The following FADS3 variants were observed in gnomAD, a reference collection of about 807,000 sequenced individuals.
FADS3 encodes fatty acid desaturase 3.
Under a neutral mutation model 60.4 loss-of-function variants are expected in FADS3, and 30 were observed. The ratio of observed to expected loss-of-function variants is 0.50; its 90% CI spans 0.37 to 0.67. The LOEUF (loss-of-function observed/expected upper bound fraction) is 0.67. Among genes scored for constraint, FADS3 ranks in the 30% least tolerant of loss-of-function variants. FADS3 has a pLI of 0.00. For missense variants in FADS3, 432 were observed against 598.3 expected (o/e 0.72, Z 2.90); for synonymous variants, 234 against 249.3 (o/e 0.94, Z 0.58).
In FADS3 at chr11:61,888,451, T is replaced by C. The variant is rs114295352; in HGVS notation, c.213+2718A>G. On this transcript the variant is annotated intron_variant, in intron 1 of 11. Coordinates refer to ENST00000278829, the MANE Select transcript of FADS3 (RefSeq NM_021727.5). ...TGGGTTCATCATGGACAAAGACTGA[T>C]TGCACCATCCCAGCAACCTCACAGT... 1.5e-3 allele frequency among the ~76,000 whole-genome samples: 229 copies of C among 152,318 alleles called. 1 individual carries two copies. The highest frequency in any genetic ancestry group is 5.4e-3 in the African/African-American group (224 of 41,560).
chr11:61,879,655 T>G, intron 2 of FADS3, 146 bp from the exon 3 acceptor site: 3 of 778,834 alleles, frequency 3.9e-6, no homozygotes, highest in Non-Finnish European at 6.2e-6. Flanking sequence ...GCCCGGGGTG[T>G]GAGCTGGAGC....
At chr11:61,887,804 CAGGATAGGTGGCAGCATAGCAT>C (rs1938365095) in intron 1 of FADS3, among the ~76,000 whole-genome samples, 1 of 152,194 alleles carries the variant, frequency 6.6e-6, no homozygotes, top group Non-Finnish European at 1.5e-5. Context: ...CGGAAATAAA[CAGGATAGGTGGCAGCATAGCAT>C]GCCCTTAAGA....
intron 3 of FADS3, 91 bp from the exon 4 acceptor site, chr11:61,878,938 C>T: frequency 9.8e-7 from 1 of 1,017,042 alleles, no homozygotes; most frequent in Non-Finnish European, 1.5e-6. Context: ...TTGCAGGGTA[C>T]CCCCGTGCTA....
At chr11:61,882,817 C>T (rs1186861618) in intron 1 of FADS3, among the ~76,000 whole-genome samples, 1 of 152,132 alleles carries the variant, frequency 6.6e-6, no homozygotes, top group African/African-American at 2.4e-5. Flanking sequence ...GCAACCTCCA[C>T]CTCCCAGGTT....
In FADS3 at chr11:61,876,178, A is replaced by G; in HGVS notation, c.1093T>C (p.Cys365Arg). The G allele has an allele frequency of 6.2e-7, 1 of 1,602,602 alleles. No homozygotes were observed. Among genetic ancestry groups the G allele is most frequent in the Non-Finnish European group, 8.5e-7 (1 of 1,175,112 alleles). The change falls in exon 10 of 12, where the codon TGC (cysteine) becomes CGC (arginine). Residue 365 changes from cysteine to arginine, a missense_variant. Coordinates refer to ENST00000278829, the MANE Select transcript of FADS3 (RefSeq NM_021727.5). This position sits in a 1 kb window ranked among gnomAD's most constrained non-coding sequence, Gnocchi z 5.7. ...DWVSSQLAAT[C>R]NVEPSLFTNW... is the part of the protein sequence containing the mutation. Reference sequence around the variant, plus strand: ...GTGAAAAGTGAGGGCTCCACGTTGCAGGTGGCTGCCAGCTGCCGGAAGCCG... The same window carrying G: ...GTGAAAAGTGAGGGCTCCACGTTGCGGGTGGCTGCCAGCTGCCGGAAGCCG...
rs1937885791 is a variant in FADS3 at position 61,876,375 on chromosome 11, T to C, written c.1064A>G (p.Asp355Gly). The C allele has an allele frequency of 1.2e-6, 2 of 1,612,942 alleles. No individual in the cohort carries two copies. The highest frequency in any genetic ancestry group is 3.3e-5 in the Admixed American group (2 of 59,976). Reference sequence around the variant, plus strand: ...GCTGCCCACCTGAGAGCTGACCCAGTCCCGGTGCTTCTCGTGGCCGATCTC... The same window carrying C: ...GCTGCCCACCTGAGAGCTGACCCAGCCCCGGTGCTTCTCGTGGCCGATCTC... ...PKEIGHEKHR[D>G]WVSSQLAATC... is the part of the protein sequence containing the mutation. Residue 355 changes from aspartate (D) to glycine (G), a missense_variant, in exon 9 of 12, where the codon GAC becomes GGC. Coordinates refer to ENST00000278829, the MANE Select transcript of FADS3 (RefSeq NM_021727.5). This position sits in a 1 kb window ranked among gnomAD's most constrained non-coding sequence, Gnocchi z 5.7.
At chr11:61,879,972 C>A in intron 2 of FADS3, 69 bp downstream of exon 2, 2 of 1,310,740 alleles carry the variant, frequency 1.5e-6, no homozygotes, top group Non-Finnish European at 2.2e-6. Context: ...GGCCATGTGG[C>A]AATGTCTCCC....
chr11:61,888,782 T>TC (rs36047269), intron 1 of FADS3, among the ~76,000 whole-genome samples: 90,716 of 152,068 alleles, frequency 0.6, 30,124 homozygotes, highest in Non-Finnish European at 0.75. Context: ...GCCCCAGCTC[T>TC]CCCACTTTAC....
intron 1 of FADS3, among the ~76,000 whole-genome samples, chr11:61,884,627 G>A (rs892651416): frequency 6.6e-6 from 1 of 152,124 alleles, no homozygotes; most frequent in African/African-American, 2.4e-5. Flanking sequence ...CCTGGGCTGG[G>A]GGGCAGGAAG....
At position 61,878,119 on chromosome 11, in the gene FADS3, C is replaced by T. The variant is rs776232730; in HGVS notation, c.808+36G>A. 5.0e-6 allele frequency: 8 copies of T among 1,596,998 alleles called. No homozygotes were observed. The East Asian group carries it at 1.6e-4, about 31-fold the overall frequency. Reference sequence around the variant, plus strand: ...GCAGGGAGGACAGTGCAGGCCCAGGCACTCCCCCACCCCAGAAGGACAGAT... The same window carrying T: ...GCAGGGAGGACAGTGCAGGCCCAGGTACTCCCCCACCCCAGAAGGACAGAT... On this transcript the variant is annotated intron_variant, in intron 6 of 11. Transcript: ENST00000278829.
intron 6 of FADS3, 146 bp downstream of exon 6, chr11:61,878,009 C>T: frequency 1.4e-6 from 1 of 740,502 alleles, no homozygotes; most frequent in East Asian, 2.5e-5. Context: ...TGTGTACAGA[C>T]TGCAGAGGCT....
intron 5 of FADS3, 85 bp from the exon 6 acceptor site, chr11:61,878,300 A>T (rs1202354773): frequency 6.8e-7 from 1 of 1,467,738 alleles, no homozygotes; most frequent in Admixed American, 1.7e-5. Context: ...GGCTGGGGCC[A>T]AGGGTCAAAG....
rs531148440 is a variant in FADS3 at position 61,878,626 on chromosome 11, G to A, written c.633C>T (p.Ser211=). Residue 211 remains serine, a synonymous_variant, in exon 5 of 12, where the codon TCC becomes TCT. Coordinates refer to ENST00000278829, the MANE Select transcript of FADS3 (RefSeq NM_021727.5). ...KFVMGQLKGF[S]AHWWNFRHFQ... Reference sequence around the variant, plus strand: ...AGTGGCGGAAGTTCCACCAGTGGGCGGAGAAGCCCTGTGGAGGAGGAGGGG... The same window carrying A: ...AGTGGCGGAAGTTCCACCAGTGGGCAGAGAAGCCCTGTGGAGGAGGAGGGG... 21 of 1,614,152 alleles carry A rather than the reference G, an allele frequency of 1.3e-5. No individual in the cohort carries two copies. Among genetic ancestry groups the A allele is most frequent in the African/African-American group, 4.0e-5 (3 of 75,070 alleles).
chr11:61,878,361 G>A, intron 5 of FADS3, 146 bp from the exon 6 acceptor site: 4 of 1,384,614 alleles, frequency 2.9e-6, no homozygotes, highest in Non-Finnish European at 4.0e-6. Context: ...AGGTTGGGAG[G>A]TGGGAAGGAA....
At chr11:61,889,900 G>A (rs1938439560) in intron 1 of FADS3, among the ~76,000 whole-genome samples, 1 of 152,144 alleles carries the variant, frequency 6.6e-6, no homozygotes, top group South Asian at 2.1e-4. Flanking sequence ...GCATCCACAA[G>A]ACTCCTTGAA....
At chr11:61,883,579 G>T (rs936676139) in intron 1 of FADS3, among the ~76,000 whole-genome samples, 4 of 152,200 alleles carry the variant, frequency 2.6e-5, no homozygotes, top group South Asian at 2.1e-4. Flanking sequence ...GGTACGCAAA[G>T]ATGCAGCTGG....
At position 61,873,868 on chromosome 11, in the gene FADS3, G is replaced by C. The variant is rs1438218601; in HGVS notation, c.1287-3C>G. The C allele has an allele frequency of 6.2e-7, 1 of 1,606,676 alleles. No homozygotes were observed. The highest frequency in any genetic ancestry group is 1.3e-5 in the African/African-American group (1 of 74,730). On this transcript the variant is annotated splice_polypyrimidine_tract_variant and splice_region_variant and intron_variant, in intron 11 of 11. Transcript: ENST00000278829. ...TGTCACCAGACTTCTTCAGGGACCT[G>C]GGAGGTGGGGGTGGCAGTGGGGGTG...
In FADS3 at chr11:61,876,718, C is replaced by T. The variant is rs1479024134; in HGVS notation, c.983+148G>A. The T allele has an allele frequency of 1.3e-6, 1 of 771,406 alleles. No homozygotes were observed. Among genetic ancestry groups the T allele is most frequent in the South Asian group, 1.5e-5 (1 of 65,902 alleles). The allele number at this position is 771,406 out of a possible 1,614,324, so 47.8% of individuals were successfully genotyped here. ...AAACCCACCGACCCTGGGCTCCTGC[C>T]ACGCTTGTGTTTATGTGATTCCACC... On this transcript the variant is annotated intron_variant, in intron 8 of 11. Coordinates refer to ENST00000278829, the MANE Select transcript of FADS3 (RefSeq NM_021727.5). The surrounding 1 kb of genome is among the most constrained non-coding windows in gnomAD (Gnocchi z 5.7).
intron 1 of FADS3, among the ~76,000 whole-genome samples, chr11:61,889,478 C>T (rs530264467): frequency 2.6e-5 from 4 of 151,800 alleles, no homozygotes; most frequent in African/African-American, 4.8e-5. Flanking sequence ...GGTGAAACCC[C>T]GTCTCTACTA....
Sources: gnomAD v4.1 joint callset for allele counts (sites outside exome capture counted in the v4.1 genomes callset) on GRCh38, gnomAD v4.1.1 for gene constraint, Gnocchi (gnomAD v3.1) non-coding constraint, MANE v1.5 for transcripts, NCBI Gene and HGNC (gene_info 2026-07-23, HGNC 2026-07-21) for gene names.